ZEB1: variants seen among roughly 807,000 people sequenced by gnomAD.
ZEB1 encodes the protein zinc finger E-box-binding homeobox 1.
ZEB1 carries 21 observed loss-of-function variants against 84.9 expected under a neutral mutation model. That is an observed-to-expected ratio of 0.25 (90% CI 0.18 to 0.36). The LOEUF (loss-of-function observed/expected upper bound fraction) is 0.36, where lower values mean the gene tolerates loss of function less well. ZEB1 is among the 10% of genes least tolerant of loss of function. The pLI is 1.00. For missense variants in ZEB1, 1,104 were observed against 1,330.2 expected (o/e 0.83, Z 2.65); for synonymous variants, 420 against 471.1 (o/e 0.89, Z 1.41).
At chr10:31,405,846 C>T (rs2052901333) in intron 1 of ZEB1, among the ~76,000 whole-genome samples, 2 of 152,208 alleles carry the variant, frequency 1.3e-5, no homozygotes, top group Admixed American at 1.3e-4. Context: ...CCCCACCTAG[C>T]CTCCCACACC....
chr10:31,517,210 G>A (rs982826575), intron 6 of ZEB1, among the ~76,000 whole-genome samples: 1 of 151,860 alleles, frequency 6.6e-6, no homozygotes, highest in Non-Finnish European at 1.5e-5. Flanking sequence ...TGAGAATCAG[G>A]ATCCAAAATT....
chr10:31,450,621 T>A (rs1211935791), intron 1 of ZEB1, among the ~76,000 whole-genome samples: 1 of 152,194 alleles, frequency 6.6e-6, no homozygotes, highest in Non-Finnish European at 1.5e-5. Flanking sequence ...AAACTAAGCA[T>A]CTTTATCTTA....
intron 4 of ZEB1, among the ~76,000 whole-genome samples, chr10:31,505,166 C>T (rs891488174): frequency 1.3e-5 from 2 of 151,996 alleles, no homozygotes; most frequent in East Asian, 1.9e-4. Flanking sequence ...ATCTTTTTGA[C>T]GTGCTGTTAG....
At chr10:31,486,214 T>C (rs1194793959) in intron 2 of ZEB1, among the ~76,000 whole-genome samples, 1 of 151,646 alleles carries the variant, frequency 6.6e-6, no homozygotes, top group Non-Finnish European at 1.5e-5. Context: ...TTTTGGGGGG[T>C]GAAGTTAAGT....
At chr10:31,522,500 A>G (rs565699067) in intron 7 of ZEB1, among the ~76,000 whole-genome samples, 24 of 152,222 alleles carry the variant, frequency 1.6e-4, no homozygotes, top group Non-Finnish European at 3.2e-4. Flanking sequence ...CATAATGTAT[A>G]TGAGGAAGTG....
intron 1 of ZEB1, among the ~76,000 whole-genome samples, chr10:31,442,836 G>A (rs1361574734): frequency 6.6e-6 from 1 of 152,208 alleles, no homozygotes; most frequent in Non-Finnish European, 1.5e-5. Context: ...ACTGATAATT[G>A]TCATTGCATT....
At chr10:31,427,525 T>G (rs1406215500) in intron 1 of ZEB1, among the ~76,000 whole-genome samples, 2 of 152,240 alleles carry the variant, frequency 1.3e-5, no homozygotes, top group East Asian at 3.9e-4. Context: ...TTCCTCTGTC[T>G]GAGACATAGG....
chr10:31,326,054 T>A (rs544197475), intron 1 of ZEB1, among the ~76,000 whole-genome samples: 1 of 152,068 alleles, frequency 6.6e-6, no homozygotes, highest in Admixed American at 6.5e-5. Flanking sequence ...CATATATTTT[T>A]AATATGGAAG....
At chr10:31,472,440 ATAAAGTAGAAAATC>A (rs1249113189) in intron 2 of ZEB1, among the ~76,000 whole-genome samples, 1 of 152,208 alleles carries the variant, frequency 6.6e-6, no homozygotes, top group African/African-American at 2.4e-5. Context: ...CTCTATGCAA[ATAAAGTAGAAAATC>A]TAGAAGAAAT....
chr10:31,473,910 T>C (rs888484196), intron 2 of ZEB1, among the ~76,000 whole-genome samples: 5 of 151,222 alleles, frequency 3.3e-5, no homozygotes, highest in African/African-American at 4.9e-5. Flanking sequence ...ACGCCGCATA[T>C]CTACAACTAT....
intron 1 of ZEB1, among the ~76,000 whole-genome samples, chr10:31,382,574 T>C (rs2047887161): frequency 6.6e-6 from 1 of 152,062 alleles, no homozygotes; most frequent in South Asian, 2.1e-4. Context: ...TTAAAACTAA[T>C]TAGACAAAAA....
chr10:31,501,723 TATG>T (rs1380221496), intron 3 of ZEB1, among the ~76,000 whole-genome samples: 1 of 152,100 alleles, frequency 6.6e-6, no homozygotes, highest in Non-Finnish European at 1.5e-5. Context: ...CATACATACA[TATG>T]ATAAAGTTTA....
At chr10:31,439,120 A>G (rs1477318327) in intron 1 of ZEB1, among the ~76,000 whole-genome samples, 3 of 152,200 alleles carry the variant, frequency 2.0e-5, no homozygotes, top group Non-Finnish European at 4.4e-5. Context: ...TGTATGTCCT[A>G]GACATCATGA....
At chr10:31,348,184 G>A (rs1050635662) in intron 1 of ZEB1, among the ~76,000 whole-genome samples, 4 of 152,174 alleles carry the variant, frequency 2.6e-5, no homozygotes, top group South Asian at 2.1e-4. Context: ...GAAAAAAGCA[G>A]AAGCAGGGAA....
chr10:31,363,037 G>C, intron 1 of ZEB1: 1 of 1,533,768 alleles, frequency 6.5e-7, no homozygotes, highest in Non-Finnish European at 8.7e-7. Flanking sequence ...TTGCAGGGGA[G>C]GGGTCGGTTG....
At chr10:31,352,572 AGGAAAGAGGGCAGT>A (rs922371657) in intron 1 of ZEB1, among the ~76,000 whole-genome samples, 16 of 152,122 alleles carry the variant, frequency 1.1e-4, no homozygotes, top group Non-Finnish European at 2.1e-4. Context: ...CTGGGGTGCT[AGGAAAGAGGGCAGT>A]CCACAGTGGC....
At chr10:31,319,675 T>G in intron 1 of ZEB1, 1 of 227,860 alleles carries the variant, frequency 4.4e-6, no homozygotes, top group Admixed American at 5.9e-5. Context: ...TTCCGCACTT[T>G]TCCCCACTCT....
chr10:31,440,579 A>G (rs2058815089), intron 1 of ZEB1, among the ~76,000 whole-genome samples: 1 of 152,202 alleles, frequency 6.6e-6, no homozygotes, highest in Non-Finnish European at 1.5e-5. Flanking sequence ...GGAGAAGGAA[A>G]TAAAGTGTAT....
chr10:31,405,609 T>C (rs939201862), intron 1 of ZEB1, among the ~76,000 whole-genome samples: 1 of 152,148 alleles, frequency 6.6e-6, no homozygotes, highest in African/African-American at 2.4e-5. Context: ...TATAAGCCCA[T>C]TGTGGTTTTT....
Sources: allele counts gnomAD v4.1 joint callset (sites outside exome capture counted in the v4.1 genomes callset), GRCh38; gene constraint gnomAD v4.1.1; transcripts MANE v1.5; gene names NCBI Gene and HGNC (gene_info 2026-07-23, HGNC 2026-07-21).